ACYP2: variants seen among roughly 807,000 people sequenced by gnomAD.
ACYP2 encodes the protein acylphosphatase 2.
In ACYP2, 12 loss-of-function variants were observed where a neutral mutation model predicts 11.2. The ratio of observed to expected loss-of-function variants is 1.08; its 90% CI spans 0.69 to 1.74. ACYP2 has a LOEUF of 1.74. Among genes scored for constraint, ACYP2 ranks in the 40% most tolerant of loss-of-function variants. ACYP2 has a pLI of 0.00. For synonymous variants in ACYP2, 43 were observed against 32.2 expected (o/e 1.33, Z -1.13); for missense variants, 134 against 101.9 (o/e 1.31, Z -1.35).
At chr2:54,192,455 C>T (rs1287324696) in intron 6 of ACYP2, among the ~76,000 whole-genome samples, 5 of 152,032 alleles carry the variant, frequency 3.3e-5, no homozygotes, top group Admixed American at 1.3e-4. Context: ...AATTACTAGT[C>T]TGTGAAATCC....
intron 6 of ACYP2, among the ~76,000 whole-genome samples, chr2:54,268,836 C>CT (rs1228004506): frequency 3.3e-5 from 5 of 151,634 alleles, no homozygotes; most frequent in Non-Finnish European, 4.4e-5. Context: ...GTGAGTTTTT[C>CT]TTTTTTTTCC....
chr2:54,067,767 C>T (rs557474612), intron 4 of ACYP2, among the ~76,000 whole-genome samples: 1 of 152,084 alleles, frequency 6.6e-6, no homozygotes, highest in Non-Finnish European at 1.5e-5. Flanking sequence ...ACTAGCAAAC[C>T]TGTAGGGGAA....
In ACYP2 at chr2:54,201,646, C is replaced by G. The variant is rs1035479579; in HGVS notation, c.404+62898C>G. 1.8e-3 allele frequency among the ~76,000 whole-genome samples: 133 copies of G among 75,068 alleles called. 2 individuals are homozygous for G. The highest frequency in any genetic ancestry group is 8.4e-3 in the South Asian group (15 of 1,788). 49.2% of individuals were successfully genotyped at this position (75,068 alleles called of 152,430 possible). On this transcript the variant is annotated intron_variant, in intron 6 of 6. Transcript: ENST00000607452. ...TTTGTTTCTTTCTTTCTCTTTCTTTCTTTCTTTCTTTCTTTCTTTCTTTCT... is the reference window on the plus strand; with the variant it reads ...TTTGTTTCTTTCTTTCTCTTTCTTTGTTTCTTTCTTTCTTTCTTTCTTTCT...
chr2:54,128,997 A>G (rs1302653837), intron 4 of ACYP2, among the ~76,000 whole-genome samples: 1 of 152,202 alleles, frequency 6.6e-6, no homozygotes, highest in Non-Finnish European at 1.5e-5. Flanking sequence ...GTATTCCTTA[A>G]TCCGGTCAAA....
At chr2:54,017,933 C>T (rs1375736395) in intron 2 of ACYP2, among the ~76,000 whole-genome samples, 4 of 152,010 alleles carry the variant, frequency 2.6e-5, no homozygotes, top group Non-Finnish European at 4.4e-5. Context: ...CTCCTGGCCT[C>T]ATGTGATCCT....
intron 1 of ACYP2, among the ~76,000 whole-genome samples, chr2:53,973,314 G>C (rs557976961): frequency 1.3e-5 from 2 of 152,162 alleles, no homozygotes; most frequent in Non-Finnish European, 2.9e-5. Flanking sequence ...AAATAATGGG[G>C]TAGGGAGAGC....
At chr2:54,046,686 G>T (rs1675543253) in intron 2 of ACYP2, among the ~76,000 whole-genome samples, 1 of 152,114 alleles carries the variant, frequency 6.6e-6, no homozygotes, top group Non-Finnish European at 1.5e-5. Flanking sequence ...AGCTTCAGGG[G>T]TGTATGACCT....
intron 6 of ACYP2, among the ~76,000 whole-genome samples, chr2:54,157,160 T>G (rs1682470867): frequency 1.3e-5 from 2 of 152,184 alleles, no homozygotes. Flanking sequence ...GTTCTTTCTG[T>G]CCTCTTAATA....
intron 6 of ACYP2, among the ~76,000 whole-genome samples, chr2:54,165,494 C>G (rs1043798164): frequency 3.4e-5 from 5 of 149,006 alleles, no homozygotes; most frequent in Middle Eastern, 6.8e-3. Context: ...GTGTCTGTCT[C>G]TCTCTGTCTC....
intron 2 of ACYP2, among the ~76,000 whole-genome samples, chr2:54,006,339 G>C (rs1234979788): frequency 6.6e-6 from 1 of 152,012 alleles, no homozygotes; most frequent in Non-Finnish European, 1.5e-5. Context: ...GTAGAGAGGG[G>C]TTTCACCATA....
At chr2:54,286,694 A>G (rs1347420531) in intron 6 of ACYP2, among the ~76,000 whole-genome samples, 1 of 152,054 alleles carries the variant, frequency 6.6e-6, no homozygotes, top group Non-Finnish European at 1.5e-5. Flanking sequence ...CAGGTTTTAA[A>G]TGAATTCTAA....
intron 4 of ACYP2, among the ~76,000 whole-genome samples, chr2:54,094,221 G>GA (rs1272552049): frequency 2.7e-5 from 4 of 148,158 alleles, no homozygotes; most frequent in Admixed American, 6.7e-5. Context: ...ATGGTGGGGA[G>GA]AAAAAAAATT....
chr2:54,088,046 C>G (rs1017907723), intron 4 of ACYP2, among the ~76,000 whole-genome samples: 4 of 152,166 alleles, frequency 2.6e-5, no homozygotes, highest in African/African-American at 7.2e-5. Context: ...CCAGTAGATT[C>G]TTTGGACAGT....
At chr2:54,144,384 T>A (rs1681784469) in intron 6 of ACYP2, among the ~76,000 whole-genome samples, 1 of 152,050 alleles carries the variant, frequency 6.6e-6, no homozygotes, top group Admixed American at 6.6e-5. Context: ...TTTTATAATT[T>A]AAAAAATCTC....
chr2:54,176,754 A>G (rs1489049436), intron 6 of ACYP2, among the ~76,000 whole-genome samples: 1 of 152,150 alleles, frequency 6.6e-6, no homozygotes, highest in African/African-American at 2.4e-5. Flanking sequence ...CTATCCAGGA[A>G]TTGACCTTGG....
chr2:54,226,692 G>A (rs1363343596), intron 6 of ACYP2, among the ~76,000 whole-genome samples: 2 of 152,126 alleles, frequency 1.3e-5, no homozygotes, highest in Non-Finnish European at 2.9e-5. Context: ...CCAATTTGAT[G>A]TTCTTGTCCC....
chr2:54,055,454 T>A (rs1314685668), intron 3 of ACYP2, among the ~76,000 whole-genome samples: 1 of 152,244 alleles, frequency 6.6e-6, no homozygotes, highest in African/African-American at 2.4e-5. Context: ...AATTTGTATT[T>A]ATATAGCATT....
chr2:54,097,495 A>G (rs1420618262), intron 4 of ACYP2, among the ~76,000 whole-genome samples: 3 of 152,258 alleles, frequency 2.0e-5, no homozygotes, highest in African/African-American at 7.2e-5. Context: ...AAAAATGACA[A>G]TAACAACACA....
chr2:54,036,176 C>T (rs1389120317), intron 2 of ACYP2, among the ~76,000 whole-genome samples: 3 of 152,166 alleles, frequency 2.0e-5, no homozygotes, highest in African/African-American at 7.2e-5. Context: ...CTCACTGTAG[C>T]CTCTGCCTGC....
Sources: allele counts gnomAD v4.1 joint callset (sites outside exome capture counted in the v4.1 genomes callset), GRCh38; gene constraint gnomAD v4.1.1; transcripts MANE v1.5; gene names NCBI Gene and HGNC (gene_info 2026-07-23, HGNC 2026-07-21).